Variants in HMCES observed in about 807,000 individuals in gnomAD.
The protein encoded by HMCES is 5-hydroxymethylcytosine binding, ES cell specific.
Under a neutral mutation model 35.1 loss-of-function variants are expected in HMCES, and 27 were observed. The ratio of observed to expected loss-of-function variants is 0.77; its 90% CI spans 0.57 to 1.06. The LOEUF (loss-of-function observed/expected upper bound fraction) is 1.06, where lower values mean the gene tolerates loss of function less well. HMCES is among the 50% of genes least tolerant of loss of function. The pLI, the probability that HMCES is intolerant of heterozygous loss-of-function variation, is 0.00. For synonymous variants in HMCES, 130 were observed against 154.7 expected, an observed-to-expected ratio of 0.84 and a Z score of 1.18; for missense variants, 391 against 430.4, an observed-to-expected ratio of 0.91 and a Z score of 0.81.
At chr3:129,303,247 CA>C (rs1248691070) in intron 6 of HMCES, among the ~76,000 whole-genome samples, 5 of 152,132 alleles carry the variant, frequency 3.3e-5, no homozygotes, top group Non-Finnish European at 7.3e-5. Flanking sequence ...TTTTAGGTGG[CA>C]TGGAGGGACT....
Position 129,304,804 on chromosome 3 carries a change from C to T in HMCES, c.1044C>T (p.Ala348=). 2 of 1,614,058 alleles carry T rather than the reference C, an allele frequency of 1.2e-6. No homozygotes were observed. Among genetic ancestry groups the T allele is most frequent in the Non-Finnish European group, 1.7e-6 (2 of 1,179,962 alleles). ...LKREKEEEPV[A]KRPYSQ ...GGGAGAAGGAGGAGGAACCTGTGGC[C>T]AAGCGTCCTTACAGCCAGTGACACA... is the stretch of plus-strand genomic sequence containing the variant. The change falls in exon 7 of 7, where the codon GCC becomes GCT. Residue 348 remains alanine, a synonymous_variant. Transcript: ENST00000383463.
chr3:129,299,759 C>T (rs2071139227), intron 5 of HMCES, among the ~76,000 whole-genome samples: 1 of 147,866 alleles, frequency 6.8e-6, no homozygotes, highest in Non-Finnish European at 1.5e-5. Context: ...TCACACCATT[C>T]TCCTGCCTCA....
In HMCES at chr3:129,281,926, CAAAAAAA is replaced by C. The variant is rs553350109; in HGVS notation, c.183+2027_183+2033del. 3.6e-3 allele frequency among the ~76,000 whole-genome samples: 259 copies of C among 71,602 alleles called. 1 individual carries two copies. Among genetic ancestry groups the C allele is most frequent in the African/African-American group, 0.011 (243 of 22,348 alleles). 47.0% of individuals were successfully genotyped at this position (71,602 alleles called of 152,430 possible). On this transcript the variant is annotated intron_variant, in intron 2 of 6. Coordinates refer to ENST00000383463, the MANE Select transcript of HMCES (RefSeq NM_020187.3). ...TGGGTGACAGAGCAAGACTCAGTCT[CAAAAAAA>C]AAAAAAAAAAAAAAATCAAATAATG...
chr3:129,294,945 C>G (rs1462804022), intron 4 of HMCES, among the ~76,000 whole-genome samples: 3 of 151,790 alleles, frequency 2.0e-5, no homozygotes, highest in African/African-American at 7.3e-5. Context: ...ATCACCAGGT[C>G]AGGAAATCGA....
chr3:129,297,887 T>C (rs2071113017), intron 4 of HMCES, among the ~76,000 whole-genome samples: 1 of 152,220 alleles, frequency 6.6e-6, no homozygotes. Context: ...TGACGTTCTT[T>C]CCAGCTTTCT....
intron 4 of HMCES, among the ~76,000 whole-genome samples, chr3:129,292,585 C>T (rs547243250): frequency 3.3e-5 from 5 of 150,026 alleles, no homozygotes; most frequent in South Asian, 2.1e-4. Flanking sequence ...CTCTGCCTCT[C>T]GGGTTCAAGC....
chr3:129,295,536 T>A (rs544260752), intron 4 of HMCES, among the ~76,000 whole-genome samples: 2 of 152,276 alleles, frequency 1.3e-5, no homozygotes, highest in African/African-American at 4.8e-5. Context: ...CCATTAGTAG[T>A]CACTTTCCAT....
chr3:129,283,753 G>T (rs62266890), intron 2 of HMCES, among the ~76,000 whole-genome samples: 76 of 151,902 alleles, frequency 5.0e-4, no homozygotes, highest in Admixed American at 1.4e-3. Context: ...TCGCTTGAAC[G>T]TGGGAGGCGG....
chr3:129,278,849 C>G (rs1356998786), upstream of HMCES: 1 of 149,218 alleles, frequency 6.7e-6, no homozygotes, highest in Admixed American at 6.7e-5. Flanking sequence ...GTGGCCAAAG[C>G]GGAGCGGAGC....
chr3:129,294,550 C>T (rs144990101), intron 4 of HMCES, among the ~76,000 whole-genome samples: 1 of 152,344 alleles, frequency 6.6e-6, no homozygotes, highest in Admixed American at 6.5e-5. Context: ...ACAGTATTCT[C>T]CCAGTTCCTC....
At chr3:129,289,044 G>T in intron 3 of HMCES, 47 bp downstream of exon 3, 2 of 1,426,226 alleles carry the variant, frequency 1.4e-6, no homozygotes, top group Non-Finnish European at 1.9e-6. Flanking sequence ...CAGAAATAAG[G>T]TTCCAAAGGG....
intron 4 of HMCES, among the ~76,000 whole-genome samples, chr3:129,294,607 A>G (rs1257613280): frequency 6.6e-6 from 1 of 152,216 alleles, no homozygotes; most frequent in East Asian, 1.9e-4. Flanking sequence ...CATATACTAT[A>G]AACTTACAAT....
chr3:129,295,433 T>TG (rs2071080583), intron 4 of HMCES, among the ~76,000 whole-genome samples: 1 of 128,134 alleles, frequency 7.8e-6, no homozygotes, highest in African/African-American at 3.9e-5. Context: ...TGAGACTCTA[T>TG]CAAAAAAAAA....
At chr3:129,285,791 A>C (rs1050797065) in intron 2 of HMCES, among the ~76,000 whole-genome samples, 1 of 150,464 alleles carries the variant, frequency 6.6e-6, no homozygotes, top group African/African-American at 2.5e-5. Context: ...GTGCAGTGGC[A>C]CAATCTCAGT....
At chr3:129,288,482 C>T (rs993884512) in intron 2 of HMCES, among the ~76,000 whole-genome samples, 5 of 151,652 alleles carry the variant, frequency 3.3e-5, no homozygotes, top group Non-Finnish European at 7.4e-5. Flanking sequence ...ATCACTTGAG[C>T]CCAGGAGTTC....
chr3:129,299,777 G>A (rs973677759), intron 5 of HMCES, among the ~76,000 whole-genome samples: 1 of 149,152 alleles, frequency 6.7e-6, no homozygotes, highest in Non-Finnish European at 1.5e-5. Flanking sequence ...TCAGCCTCCC[G>A]AGTAGCTGGG....
intron 4 of HMCES, among the ~76,000 whole-genome samples, chr3:129,292,927 G>A (rs2071042180): frequency 6.6e-6 from 1 of 152,164 alleles, no homozygotes; most frequent in Non-Finnish European, 1.5e-5. Flanking sequence ...TTGGTGGAAG[G>A]AAAGGGGAGG....
In HMCES at chr3:129,305,761, G is replaced by A. The variant is rs958557961; in HGVS notation, c.*936G>A. 6.6e-6 allele frequency: 1 copy of A among 152,448 alleles called. No homozygotes were observed. The highest frequency in any genetic ancestry group is 1.5e-5 in the Non-Finnish European group (1 of 68,226). 9.4% of individuals were successfully genotyped at this position (152,448 alleles called of 1,614,324 possible). ...GCCGATTGCTGCTGGTGGGGGGCGGGGGTGCAGGCCCCAGTCTCTATGCAA... is the reference window on the plus strand; with the variant it reads ...GCCGATTGCTGCTGGTGGGGGGCGGAGGTGCAGGCCCCAGTCTCTATGCAA... On this transcript the variant is annotated 3_prime_UTR_variant, in exon 7 of 7. Transcript: ENST00000383463.
chr3:129,279,566 T>C lies in HMCES; in HGVS notation c.-23-144T>C, dbSNP rs1490739202. 10 of 779,794 alleles carry C rather than the reference T, an allele frequency of 1.3e-5. No individual in the cohort carries two copies. In the South Asian group the frequency reaches 1.6e-4, roughly 12 times the overall value. The allele number at this position is 779,794 out of a possible 1,614,324, so 48.3% of individuals were successfully genotyped here. A position where few individuals can be genotyped will look rare whatever the true frequency, so the allele number is the denominator to read the frequency against. Reference sequence around the variant, plus strand: ...AAGCAAACGGGCACATCCTTGTCTTTGTGGGACTTTTTGGGGAAGACTTTA... The same window carrying C: ...AAGCAAACGGGCACATCCTTGTCTTCGTGGGACTTTTTGGGGAAGACTTTA... On this transcript the variant is annotated intron_variant, in intron 1 of 6. Coordinates refer to ENST00000383463, the MANE Select transcript of HMCES (RefSeq NM_020187.3). The surrounding 1 kb of genome is among the most constrained non-coding windows in gnomAD (Gnocchi z 4.2).
Sources: gnomAD v4.1 joint callset for allele counts (sites outside exome capture counted in the v4.1 genomes callset) on GRCh38, gnomAD v4.1.1 for gene constraint, Gnocchi (gnomAD v3.1) non-coding constraint, MANE v1.5 for transcripts, NCBI Gene and HGNC (gene_info 2026-07-23, HGNC 2026-07-21) for gene names.